EYS: variants seen among roughly 807,000 people sequenced by gnomAD.
EYS encodes protein eyes shut homolog.
EYS carries 250 observed loss-of-function variants against 282.1 expected under a neutral mutation model. That is an observed-to-expected ratio of 0.89 (90% CI 0.80 to 0.98). The LOEUF (loss-of-function observed/expected upper bound fraction) is 0.98. Ranked by LOEUF, EYS falls within the 50% of genes least tolerant of loss-of-function variation. EYS has a pLI of 0.00. For missense variants in EYS, 4,016 were observed against 3,709.0 expected (o/e 1.08, Z -2.15); for synonymous variants, 1,355 against 1,282.9 (o/e 1.06, Z -1.20).
intron 35 of EYS, among the ~76,000 whole-genome samples, chr6:63,911,116 T>C (rs1359575429): frequency 1.9e-5 from 2 of 104,906 alleles, no homozygotes; most frequent in Non-Finnish European, 4.5e-5. Context: ...GTTGAAGTCA[T>C]TGGTTAAAAA....
intron 15 of EYS, among the ~76,000 whole-genome samples, chr6:64,919,114 C>T (rs1562258813): frequency 6.6e-6 from 1 of 152,080 alleles, no homozygotes; most frequent in Non-Finnish European, 1.5e-5. Context: ...TTAGAGTAAG[C>T]ATGTGGTCGG....
chr6:63,976,220 G>A (rs954456580), intron 35 of EYS, among the ~76,000 whole-genome samples: 9 of 151,950 alleles, frequency 5.9e-5, no homozygotes, highest in South Asian at 2.1e-4. Context: ...AAATACTACC[G>A]TATATTACCG....
At chr6:65,662,161 G>T (rs1331046298) in intron 1 of EYS, among the ~76,000 whole-genome samples, 1 of 152,026 alleles carries the variant, frequency 6.6e-6, no homozygotes, top group Non-Finnish European at 1.5e-5. Context: ...TAAATTATTT[G>T]CAACCTATCA....
chr6:65,653,946 C>T (rs1395601784), intron 1 of EYS, among the ~76,000 whole-genome samples: 1 of 151,934 alleles, frequency 6.6e-6, no homozygotes, highest in East Asian at 1.9e-4. Flanking sequence ...TAGGTCAACA[C>T]AGCCACCACA....
At chr6:64,477,097 C>A (rs1776294794) in intron 26 of EYS, among the ~76,000 whole-genome samples, 1 of 152,138 alleles carries the variant, frequency 6.6e-6, no homozygotes, top group African/African-American at 2.4e-5. Flanking sequence ...GGCCCTCACA[C>A]CAGCCCCCAC....
chr6:64,660,825 T>C (rs9354014), intron 22 of EYS, among the ~76,000 whole-genome samples: 97,278 of 152,004 alleles, frequency 0.64, 31,366 homozygotes, highest in African/African-American at 0.71. Flanking sequence ...AGGTAATTTA[T>C]AGATTCAATG....
At chr6:64,875,829 GTGA>G in intron 19 of EYS, among the ~76,000 whole-genome samples, 1 of 152,082 alleles carries the variant, frequency 6.6e-6, no homozygotes, top group East Asian at 1.9e-4. Context: ...TCTAAAATAT[GTGA>G]TGCCCTAGAA....
chr6:65,569,096 A>G (rs1308066765), intron 2 of EYS, among the ~76,000 whole-genome samples: 3 of 152,168 alleles, frequency 2.0e-5, no homozygotes, highest in Non-Finnish European at 4.4e-5. Context: ...TGAAGTAACT[A>G]AAGAATGACA....
chr6:65,378,539 T>C (rs1475898350), intron 8 of EYS, among the ~76,000 whole-genome samples: 1 of 152,172 alleles, frequency 6.6e-6, no homozygotes, highest in African/African-American at 2.4e-5. Context: ...ACTGGGTATA[T>C]ATCCAAAGGA....
At chr6:65,648,314 ATGTGTGTGTG>A (rs58196369) in intron 1 of EYS, among the ~76,000 whole-genome samples, 85 of 147,864 alleles carry the variant, frequency 5.7e-4, no homozygotes, top group Admixed American at 1.1e-3. Context: ...AAGAAAATAT[ATGTGTGTGTG>A]TGTGTGTGTG....
chr6:65,608,368 A>G lies in EYS; in HGVS notation c.-333+31410T>C, dbSNP rs76288410. Among the ~76,000 whole-genome samples the G allele has an allele frequency of 2.2e-3, 338 of 152,140 alleles. 11 individuals are homozygous for G. The East Asian group carries it at 0.05, about 23-fold the overall frequency. On this transcript the variant is annotated intron_variant, in intron 2 of 42. Coordinates refer to ENST00000503581, the MANE Select transcript of EYS (RefSeq NM_001142800.2). Reference sequence around the variant, plus strand: ...TACACTGTATAGGGCACTTGCCACAAATAGAATTTGCAGGACTGAAAGTTG... The same window carrying G: ...TACACTGTATAGGGCACTTGCCACAGATAGAATTTGCAGGACTGAAAGTTG...
intron 22 of EYS, among the ~76,000 whole-genome samples, chr6:64,785,257 T>G (rs1773981198): frequency 6.6e-6 from 1 of 152,210 alleles, no homozygotes; most frequent in Admixed American, 6.5e-5. Flanking sequence ...TCTTTCCAGC[T>G]TAGTTAGCTG....
chr6:65,314,149 A>G (rs1477428287), intron 11 of EYS, among the ~76,000 whole-genome samples: 3 of 151,508 alleles, frequency 2.0e-5, no homozygotes, highest in African/African-American at 7.3e-5. Context: ...GTGTGTGTAT[A>G]CATGCTTACA....
intron 26 of EYS, among the ~76,000 whole-genome samples, chr6:64,451,752 C>T (rs888919405): frequency 3.9e-5 from 6 of 152,136 alleles, no homozygotes; most frequent in Non-Finnish European, 7.3e-5. Context: ...GAACCAACGA[C>T]AAAAACCACA....
intron 26 of EYS, among the ~76,000 whole-genome samples, chr6:64,449,439 ATTACCCAGGAGAAC>A (rs1775238910): frequency 6.6e-6 from 1 of 152,234 alleles, no homozygotes; most frequent in African/African-American, 2.4e-5. Flanking sequence ...TCTGCAGGAT[ATTACCCAGGAGAAC>A]TTCCCCAATC....
chr6:65,437,349 G>A (rs1054788855), intron 5 of EYS, among the ~76,000 whole-genome samples: 2 of 152,020 alleles, frequency 1.3e-5, no homozygotes, highest in Non-Finnish European at 2.9e-5. Flanking sequence ...TTTCTATTAG[G>A]ATACTTGCAA....
At chr6:65,127,204 T>C (rs1775744080) in intron 12 of EYS, among the ~76,000 whole-genome samples, 1 of 151,774 alleles carries the variant, frequency 6.6e-6, no homozygotes, top group Admixed American at 6.6e-5. Context: ...AGAAGAAAAA[T>C]ACTAAAAAAA....
intron 33 of EYS, among the ~76,000 whole-genome samples, chr6:64,051,044 C>T (rs779521072): frequency 2.6e-5 from 4 of 151,964 alleles, no homozygotes; most frequent in African/African-American, 4.8e-5. Flanking sequence ...GTAGCTGATA[C>T]GTTGAATGAT....
At chr6:65,179,617 T>C (rs894782246) in intron 12 of EYS, among the ~76,000 whole-genome samples, 1 of 152,176 alleles carries the variant, frequency 6.6e-6, no homozygotes, top group Non-Finnish European at 1.5e-5. Context: ...AGCCGAATTC[T>C]ACCAGAGGTA....
Sources: gnomAD v4.1 joint callset for allele counts (sites outside exome capture counted in the v4.1 genomes callset) on GRCh38, gnomAD v4.1.1 for gene constraint, MANE v1.5 for transcripts, NCBI Gene and HGNC (gene_info 2026-07-23, HGNC 2026-07-21) for gene names.